UPK1B: variants seen among roughly 807,000 people sequenced by gnomAD.
UPK1B encodes the protein uroplakin-1b.
UPK1B carries 28 observed loss-of-function variants against 34.2 expected under a neutral mutation model. The ratio of observed to expected loss-of-function variants is 0.82; its 90% CI spans 0.61 to 1.12. The LOEUF (loss-of-function observed/expected upper bound fraction) is 1.12. Ranked by LOEUF, UPK1B falls within the 50% of genes most tolerant of loss-of-function variation. The probability of loss-of-function intolerance (pLI) is 0.00; values close to 1 mark genes in which losing one functional copy is unlikely to be tolerated. For synonymous variants in UPK1B, 81 were observed against 110.4 expected, an observed-to-expected ratio of 0.73 and a Z score of 1.67; for missense variants, 325 against 320.9, an observed-to-expected ratio of 1.01 and a Z score of -0.10.
intron 6 of UPK1B, 60 bp downstream of exon 6, chr3:119,194,458 T>A: frequency 6.8e-7 from 1 of 1,474,588 alleles, no homozygotes; most frequent in East Asian, 2.3e-5. Context: ...ATGAGAAAAA[T>A]ATTGGTCAAC....
At chr3:119,199,455 C>G (rs766326523) in intron 7 of UPK1B, among the ~76,000 whole-genome samples, 10 of 152,194 alleles carry the variant, frequency 6.6e-5, no homozygotes, top group Non-Finnish European at 1.2e-4. Context: ...CTCCTGGTCT[C>G]CAGATCTCAT....
At chr3:119,190,748 CACCCT>C (rs779158837) in intron 4 of UPK1B, among the ~76,000 whole-genome samples, 1 of 152,196 alleles carries the variant, frequency 6.6e-6, no homozygotes, top group Non-Finnish European at 1.5e-5. Flanking sequence ...TAGCCTAAGC[CACCCT>C]ACAGTATGTG....
chr3:119,200,595 CAT>C (rs2078086567), intron 7 of UPK1B, among the ~76,000 whole-genome samples: 1 of 152,198 alleles, frequency 6.6e-6, no homozygotes, highest in African/African-American at 2.4e-5. Flanking sequence ...CAGAAAATCA[CAT>C]GTGGCATTGA....
Position 119,188,855 on chromosome 3 carries a change from T to C in UPK1B, c.270+880T>C, listed in dbSNP as rs369467675. On this transcript the variant is annotated intron_variant, in intron 3 of 7. Transcript: ENST00000264234. ...CCCCTTTATAGAATGAGTCCAGCAA[T>C]GTAAGGTGCTTGTTAGTTTACTCTT... 1.6e-4 allele frequency among the ~76,000 whole-genome samples: 25 copies of C among 152,326 alleles called. No homozygotes were observed. The East Asian group carries it at 2.5e-3, about 15-fold the overall frequency.
chr3:119,175,012 C>A (rs796517394), intron 1 of UPK1B, among the ~76,000 whole-genome samples: 32 of 67,446 alleles, frequency 4.7e-4, no homozygotes, highest in African/African-American at 1.7e-3. Context: ...CTTTTATTTT[C>A]TTTTTTTTTT....
chr3:119,198,989 T>C (rs756582269), intron 6 of UPK1B, 68 bp from the exon 7 acceptor site: 1 of 1,567,076 alleles, frequency 6.4e-7, no homozygotes, highest in Non-Finnish European at 8.8e-7. Context: ...AGGAACCTGC[T>C]TTCCCATCAA....
chr3:119,187,729 C>A, intron 2 of UPK1B, 46 bp from the exon 3 acceptor site: 15 of 1,396,528 alleles, frequency 1.1e-5, no homozygotes, highest in Middle Eastern at 2.1e-4. Context: ...CACCCCCTTT[C>A]CCAAAGCTGC....
chr3:119,193,223 C>T (rs1459185259), intron 5 of UPK1B, among the ~76,000 whole-genome samples: 1 of 152,182 alleles, frequency 6.6e-6, no homozygotes, highest in Non-Finnish European at 1.5e-5. Flanking sequence ...TCTGTGCCCA[C>T]TAAATCCTAG....
At chr3:119,184,985 C>T (rs138494281) in intron 1 of UPK1B, among the ~76,000 whole-genome samples, 240 of 152,354 alleles carry the variant, frequency 1.6e-3, no homozygotes, top group African/African-American at 5.4e-3. Context: ...GTGACTCAAC[C>T]AGCTACATGA....
At position 119,194,206 on chromosome 3, in the gene UPK1B, C is replaced by T; in HGVS notation, c.469-13C>T. On this transcript the variant is annotated splice_polypyrimidine_tract_variant and intron_variant, in intron 5 of 7. Transcript: ENST00000264234. ...CCACGAAAGAGAATTTTGTATCTCT[C>T]ATCTGCTGACAGGACAATTGCTGTG... The T allele has an allele frequency of 1.2e-6, 2 of 1,612,754 alleles. No individual in the cohort carries two copies. Among genetic ancestry groups the T allele is most frequent in the Non-Finnish European group, 1.7e-6 (2 of 1,179,372 alleles).
At chr3:119,194,515 A>C in intron 6 of UPK1B, 117 bp downstream of exon 6, 1 of 1,022,726 alleles carries the variant, frequency 9.8e-7, no homozygotes, top group Non-Finnish European at 1.4e-6. Context: ...CTTTTCCCTA[A>C]ACCTCATGTT....
intron 1 of UPK1B, among the ~76,000 whole-genome samples, chr3:119,175,074 C>CTGGAGTGCAGTGGCG (rs1229204766): frequency 8.3e-6 from 1 of 120,098 alleles, no homozygotes; most frequent in Non-Finnish European, 1.6e-5. Context: ...GAGGCCCAGG[C>CTGGAGTGCAGTGGCG]TGGAGTGCAG....
At chr3:119,179,805 CTTTTTTTTTTTT>C (rs869040325) in intron 1 of UPK1B, among the ~76,000 whole-genome samples, 1,914 of 50,584 alleles carry the variant, frequency 0.038, 249 homozygotes, top group Middle Eastern at 0.069. Flanking sequence ...CCACGCCCGG[CTTTTTTTTTTTT>C]TTTTTTTTTT....
At chr3:119,203,335 C>A (rs1432940097) in intron 7 of UPK1B, among the ~76,000 whole-genome samples, 1 of 67,746 alleles carries the variant, frequency 1.5e-5, no homozygotes, top group Non-Finnish European at 2.6e-5. Flanking sequence ...AGCGAAACTC[C>A]GTCTCAAAAA....
At chr3:119,194,452 GA>G (rs1446834561) in intron 6 of UPK1B, 54 bp downstream of exon 6, 25 of 1,489,680 alleles carry the variant, frequency 1.7e-5, no homozygotes, top group Non-Finnish European at 2.2e-5. Context: ...CTCTTTATGA[GA>G]AAAATATTGG....
rs71156734 is a variant in UPK1B at position 119,179,398 on chromosome 3, T to TATATATATATA, written c.-29+5760_-29+5761insATATATATATA. On this transcript the variant is annotated intron_variant, in intron 1 of 7. Coordinates refer to ENST00000264234, the MANE Select transcript of UPK1B (RefSeq NM_006952.4). ...ATATATATATATATATATATATATA[T>TATATATATATA]TAATTCTAAGGAATTAACCTATGTG... 4.6e-3 allele frequency among the ~76,000 whole-genome samples: 273 copies of TATATATATATA among 58,734 alleles called. 8 individuals are homozygous for TATATATATATA. The highest frequency in any genetic ancestry group is 5.9e-3 in the Non-Finnish European group (180 of 30,272). 38.5% of individuals were successfully genotyped at this position (58,734 alleles called of 152,430 possible).
intron 5 of UPK1B, among the ~76,000 whole-genome samples, chr3:119,191,449 G>A (rs2078043857): frequency 6.6e-6 from 1 of 152,002 alleles, no homozygotes; most frequent in African/African-American, 2.4e-5. Flanking sequence ...TCTCCAACTG[G>A]CAATCATAGT....
At chr3:119,203,605 C>T (rs932351194) in intron 7 of UPK1B, among the ~76,000 whole-genome samples, 5 of 152,002 alleles carry the variant, frequency 3.3e-5, no homozygotes, top group African/African-American at 7.3e-5. Context: ...ACAATGAGAA[C>T]ACATGGACAA....
chr3:119,184,918 T>C (rs115517092), intron 1 of UPK1B, among the ~76,000 whole-genome samples: 26 of 152,348 alleles, frequency 1.7e-4, no homozygotes, highest in African/African-American at 6.0e-4. Context: ...CTAGTTTAGA[T>C]ACTAACCCAA....
Sources: allele counts gnomAD v4.1 joint callset (sites outside exome capture counted in the v4.1 genomes callset), GRCh38; gene constraint gnomAD v4.1.1; transcripts MANE v1.5; gene names NCBI Gene and HGNC (gene_info 2026-07-23, HGNC 2026-07-21).